The following LILRA1 variants were observed in gnomAD, a reference collection of about 807,000 sequenced individuals.
The protein encoded by LILRA1 is leukocyte immunoglobulin-like receptor subfamily A member 1.
In LILRA1, 51 loss-of-function variants were observed where a neutral mutation model predicts 51.6. The observed-to-expected ratio is 0.99, with a 90% confidence interval of 0.79 to 1.25. LILRA1 has a LOEUF of 1.25. Ranked by LOEUF, LILRA1 falls within the 50% of genes most tolerant of loss-of-function variation. LILRA1 has a pLI of 0.00. For synonymous variants in LILRA1, 305 were observed against 248.4 expected, an observed-to-expected ratio of 1.23 and a Z score of -2.14; for missense variants, 660 against 611.7, an observed-to-expected ratio of 1.08 and a Z score of -0.83.
intron 7 of LILRA1, among the ~76,000 whole-genome samples, chr19:54,597,981 C>A (rs1031127224): frequency 2.6e-5 from 4 of 150,976 alleles, no homozygotes; most frequent in African/African-American, 9.7e-5. Flanking sequence ...GAGTGCTTCT[C>A]TCTAAAGGAG....
In LILRA1 at chr19:54,596,283, G is replaced by A. The variant is rs139190966; in HGVS notation, c.1053G>A (p.Pro351=). 566 of 1,613,958 alleles carry A rather than the reference G, an allele frequency of 3.5e-4. No individual in the cohort carries two copies. The highest frequency in any genetic ancestry group is 4.1e-4 in the Non-Finnish European group (486 of 1,180,016). ...NVTLLCQSWG[P]FHTFLLTKAG... is the part of the protein sequence containing the mutation. ...CCCTGCTGTGTCAGTCATGGGGGCC[G>A]TTCCACACTTTCCTTCTGACCAAGG... The change falls in exon 7 of 10, where the codon CCG becomes CCA. Residue 351 remains proline, a synonymous_variant. Coordinates refer to ENST00000251372, the MANE Select transcript of LILRA1 (RefSeq NM_006863.4).
chr19:54,597,777 C>T (rs868567038), intron 7 of LILRA1, among the ~76,000 whole-genome samples: 1 of 151,836 alleles, frequency 6.6e-6, no homozygotes, highest in South Asian at 2.1e-4. Flanking sequence ...AGAGAGGAGG[C>T]CTTGGTGGGA....
chr19:54,596,025 G>A, intron 6 of LILRA1, 90 bp downstream of exon 6: 1 of 1,559,940 alleles, frequency 6.4e-7, no homozygotes, highest in Non-Finnish European at 8.7e-7. Flanking sequence ...AATGAGGGGT[G>A]GGGGTCCCAA....
rs200299272 is a variant in LILRA1, at chr19:54,595,625, G to A, written c.662-14G>A. On this transcript the variant is annotated splice_polypyrimidine_tract_variant and intron_variant, in intron 5 of 9. Coordinates refer to ENST00000251372, the MANE Select transcript of LILRA1 (RefSeq NM_006863.4). The stretch of plus-strand genomic sequence containing the variant: ...GAGGGTCGGCTCCTGGAAACCATGA[G>A]CACCTTTTCCCAGGTGTTTCTAAGA... The A allele has an allele frequency of 9.9e-5, 158 of 1,597,664 alleles. No individual in the cohort carries two copies. In the East Asian group the frequency reaches 1.1e-3, roughly 12 times the overall value.
Position 54,595,121 on chromosome 19 carries a change from T to C in LILRA1, c.380T>C (p.Leu127Pro), listed in dbSNP as rs1163488126. ...VVTGAYIKPT[L>P]SALPSPVVTS... ...CTAGGAGCCTACATCAAACCCACCCTCTCAGCTCTACCCAGCCCTGTGGTG... is the reference window on the plus strand; with the variant it reads ...CTAGGAGCCTACATCAAACCCACCCCCTCAGCTCTACCCAGCCCTGTGGTG... Residue 127 changes from leucine to proline, a missense_variant, in exon 5 of 10, where the codon CTC (leucine) becomes CCC (proline). Coordinates refer to ENST00000251372, the MANE Select transcript of LILRA1 (RefSeq NM_006863.4). 1 of 1,613,728 alleles carries C rather than the reference T, an allele frequency of 6.2e-7. No homozygotes were observed. The highest frequency in any genetic ancestry group is 2.2e-5 in the East Asian group (1 of 44,886).
In LILRA1 at chr19:54,596,238, G is replaced by A; in HGVS notation, c.1008G>A (p.Val336=). ...TCTCGGTGCATCCGGGCCCCACGGT[G>A]GCCTCAGGAGAGAACGTGACCCTGC... ...PFISVHPGPT[V]ASGENVTLLC... is the part of the protein sequence containing the mutation. The change falls in exon 7 of 10, where the codon GTG becomes GTA. Residue 336 remains valine, a synonymous_variant. Transcript: ENST00000251372. 2.5e-6 allele frequency: 4 copies of A among 1,614,048 alleles called. No individual in the cohort carries two copies. The highest frequency in any genetic ancestry group is 1.1e-5 in the South Asian group (1 of 91,068).
rs1274555672 is a variant in LILRA1 at position 54,600,506 on chromosome 19, T to G, written c.1313-6T>G. 6.2e-7 allele frequency: 1 copy of G among 1,614,044 alleles called. No individual in the cohort carries two copies. The highest frequency in any genetic ancestry group is 1.1e-5 in the South Asian group (1 of 91,070). ...CAGGGCTCTTCCCCTCTGTTTTTAT[T>G]CTCAGGAGCAGCTAACACCCTCAGC... On this transcript the variant is annotated splice_region_variant and splice_polypyrimidine_tract_variant and intron_variant, in intron 8 of 9. Coordinates refer to ENST00000251372, the MANE Select transcript of LILRA1 (RefSeq NM_006863.4).
Position 54,599,286 on chromosome 19 carries a change from GGTGA to G in LILRA1, c.1312+6_1312+9del. 6.4e-7 allele frequency: 1 copy of G among 1,568,114 alleles called. No homozygotes were observed. The highest frequency in any genetic ancestry group is 8.7e-7 in the Non-Finnish European group (1 of 1,151,750). ...ACAAAACAAGTCCGATTCCAAGGCT[GGTGA>G]GTGAGGAGATGCTTGCCGTGATGAC... On this transcript the variant is annotated splice_donor_variant and splice_donor_region_variant and intron_variant, in intron 8 of 9. Transcript: ENST00000251372. LOFTEE classifies it high-confidence loss of function.
Position 54,593,677 on chromosome 19 carries a change from T to G in LILRA1, c.-153T>G, listed in dbSNP as rs2062954574. The G allele has an allele frequency of 1.1e-5, 5 of 474,904 alleles. No homozygotes were observed. The highest frequency in any genetic ancestry group is 7.6e-5 in the South Asian group (5 of 65,566). The allele number at this position is 474,904 out of a possible 1,614,324, so 29.4% of individuals were successfully genotyped here. ...CTGCCACACGCAGCTCAACCTGAGCTACACAGCCAGATGCGAGATGCTTCT... is the reference window on the plus strand; with the variant it reads ...CTGCCACACGCAGCTCAACCTGAGCGACACAGCCAGATGCGAGATGCTTCT... On this transcript the variant is annotated 5_prime_UTR_variant, in exon 1 of 10. Coordinates refer to ENST00000251372, the MANE Select transcript of LILRA1 (RefSeq NM_006863.4).
At position 54,594,876 on chromosome 19, in the gene LILRA1, G is replaced by A. The variant is rs141166390; in HGVS notation, c.282G>A (p.Gly94=). The A allele has an allele frequency of 4.5e-5, 73 of 1,614,162 alleles. No homozygotes were observed. In the Middle Eastern group the frequency reaches 1.2e-3, roughly 26 times the overall value. Residue 94 remains glycine (G), a synonymous_variant, in exon 4 of 10, where the codon GGG becomes GGA. Transcript: ENST00000251372. ...CATCCATCACCTGGGAACACACAGG[G>A]CGGTATCGCTGTTTCTACGGTAGCC... is the stretch of plus-strand genomic sequence containing the variant. ...PIPSITWEHT[G]RYRCFYGSHT... is the part of the protein sequence containing the mutation.
intron 8 of LILRA1, 28 bp downstream of exon 8, chr19:54,599,314 A>G (rs1435705694): frequency 6.5e-7 from 1 of 1,549,254 alleles, no homozygotes; most frequent in Admixed American, 1.7e-5. Flanking sequence ...TGCCGTGATG[A>G]CGCTGGGCAC....
At chr19:54,599,493 T>C in intron 8 of LILRA1, 2 of 1,227,100 alleles carry the variant, frequency 1.6e-6, no homozygotes, top group Non-Finnish European at 2.1e-6. Context: ...AGAAAGCTAC[T>C]GCTTTGAGTA....
At position 54,600,607 on chromosome 19, in the gene LILRA1, AG is replaced by A; in HGVS notation, c.1351+60del. The A allele has an allele frequency of 1.9e-6, 3 of 1,612,132 alleles. 1 individual carries two copies. In the Admixed American group the frequency reaches 5.0e-5, roughly 27 times the overall value. On this transcript the variant is annotated intron_variant, in intron 9 of 9. Transcript: ENST00000251372. ...TGGGCACAAGGGTTGGGTCCTGTCA[AG>A]GGTAAGGAGGTGCTCTGGGTGGACA...
intron 8 of LILRA1, 122 bp from the exon 9 acceptor site, chr19:54,600,390 C>T: frequency 1.1e-6 from 1 of 902,744 alleles, no homozygotes; most frequent in South Asian, 1.6e-5. Flanking sequence ...AACCCTGCTA[C>T]ACAGGAAGGG....
intron 3 of LILRA1, 31 bp downstream of exon 3, chr19:54,594,507 T>C (rs1209471084): frequency 6.2e-7 from 1 of 1,613,902 alleles, no homozygotes; most frequent in Middle Eastern, 1.7e-4. Context: ...CCCAGGTCCC[T>C]CCTCCTCACT....
At chr19:54,598,063 A>T (rs1241144371) in intron 7 of LILRA1, among the ~76,000 whole-genome samples, 1 of 150,884 alleles carries the variant, frequency 6.6e-6, no homozygotes, top group Non-Finnish European at 1.5e-5. Context: ...GCACCCGGAG[A>T]CTAAGGAGGG....
In LILRA1 at chr19:54,600,772, C is replaced by T. The variant is rs776518350; in HGVS notation, c.1425C>T (p.Leu475=). 8.7e-6 allele frequency: 14 copies of T among 1,613,954 alleles called. No individual in the cohort carries two copies. Among genetic ancestry groups the T allele is most frequent in the African/African-American group, 6.7e-5 (5 of 74,872 alleles). Residue 475 remains leucine (L), a synonymous_variant, in exon 10 of 10, where the codon CTC becomes CTT. Coordinates refer to ENST00000251372, the MANE Select transcript of LILRA1 (RefSeq NM_006863.4). ...TAGCTGGCTTGGTCCTGGTGGTCCT[C>T]GGGATTCTGCTATTTGAGGCTCAGC... The part of the protein sequence containing the change: ...MGIAGLVLVV[L]GILLFEAQHS...
At chr19:54,599,209 T>C in intron 7 of LILRA1, 27 bp from the exon 8 acceptor site, 1 of 1,543,992 alleles carries the variant, frequency 6.5e-7, no homozygotes, top group Non-Finnish European at 8.8e-7. Context: ...TCTGAATATG[T>C]CTCTTCTCCT....
intron 6 of LILRA1, 47 bp downstream of exon 6, chr19:54,595,982 C>A: frequency 6.2e-7 from 1 of 1,601,652 alleles, no homozygotes; most frequent in Non-Finnish European, 8.5e-7. Flanking sequence ...TCCGCACAGG[C>A]CCTGCCAGGG....
Sources: allele counts gnomAD v4.1 joint callset (sites outside exome capture counted in the v4.1 genomes callset), GRCh38; gene constraint gnomAD v4.1.1; transcripts MANE v1.5; gene names NCBI Gene and HGNC (gene_info 2026-07-23, HGNC 2026-07-21).